The following ROBO2 variants were observed in gnomAD, a reference collection of about 807,000 sequenced individuals.
ROBO2 encodes roundabout guidance receptor 2, also known as roundabout homolog 2.
A neutral mutation model predicts 160.8 loss-of-function variants in ROBO2; 53 were observed. The observed-to-expected ratio is 0.33, with a 90% CI of 0.26 to 0.41. The LOEUF (loss-of-function observed/expected upper bound fraction) is 0.41. Ranked by LOEUF, ROBO2 falls within the 10% of genes least tolerant of loss-of-function variation. The pLI, the probability that ROBO2 is intolerant of heterozygous loss-of-function variation, is 1.00. For missense variants in ROBO2, 1,577 were observed against 1,722.4 expected (o/e 0.92, Z 1.49); for synonymous variants, 664 against 611.7 (o/e 1.09, Z -1.26).
chr3:77,607,503 CAAT>C (rs1322205831), intron 20 of ROBO2, among the ~76,000 whole-genome samples: 2 of 151,998 alleles, frequency 1.3e-5, no homozygotes, highest in Non-Finnish European at 2.9e-5. Flanking sequence ...TTTCCTCTAA[CAAT>C]GAAAACATGA....
At chr3:76,378,327 T>C (rs1422144993) in intron 2 of ROBO2, among the ~76,000 whole-genome samples, 1 of 152,190 alleles carries the variant, frequency 6.6e-6, no homozygotes, top group Non-Finnish European at 1.5e-5. Context: ...GACTTGTTGA[T>C]GTACAAGGTA....
chr3:76,254,241 A>G (rs1331105636), intron 2 of ROBO2, among the ~76,000 whole-genome samples: 1 of 152,116 alleles, frequency 6.6e-6, no homozygotes, highest in South Asian at 2.1e-4. Context: ...AAGTCAGCAT[A>G]TATTTTCTAT....
intron 2 of ROBO2, among the ~76,000 whole-genome samples, chr3:76,123,805 C>T (rs931582511): frequency 2.0e-5 from 3 of 152,116 alleles, no homozygotes; most frequent in African/African-American, 7.2e-5. Flanking sequence ...TTTCTTCCTA[C>T]ACCTTGATCC....
chr3:76,625,187 A>G (rs996594843), intron 2 of ROBO2, among the ~76,000 whole-genome samples: 4 of 152,228 alleles, frequency 2.6e-5, no homozygotes, highest in East Asian at 3.9e-4. Flanking sequence ...TCCCTGTTAT[A>G]TAGCAGAATT....
chr3:76,676,327 G>T (rs529989735), intron 2 of ROBO2, among the ~76,000 whole-genome samples: 1 of 152,152 alleles, frequency 6.6e-6, no homozygotes, highest in South Asian at 2.1e-4. Context: ...CCTTCCTGGC[G>T]CTTTGCACTT....
intron 2 of ROBO2, among the ~76,000 whole-genome samples, chr3:76,869,957 A>G (rs2071851358): frequency 6.6e-6 from 1 of 152,060 alleles, no homozygotes; most frequent in South Asian, 2.1e-4. Flanking sequence ...CACACCTAAG[A>G]CTTCCTCCCA....
chr3:77,262,324 C>T (rs1251408491), intron 2 of ROBO2, among the ~76,000 whole-genome samples: 4 of 152,180 alleles, frequency 2.6e-5, no homozygotes, highest in Non-Finnish European at 4.4e-5. Flanking sequence ...AAAATGACAG[C>T]ATCGTGATAC....
chr3:76,219,013 T>A (rs917798103), intron 2 of ROBO2, among the ~76,000 whole-genome samples: 15 of 152,110 alleles, frequency 9.9e-5, no homozygotes, highest in African/African-American at 3.6e-4. Context: ...ATGCCGCATA[T>A]CTACAACTAT....
intron 2 of ROBO2, among the ~76,000 whole-genome samples, chr3:76,115,274 A>G (rs1204485240): frequency 2.0e-5 from 3 of 152,120 alleles, no homozygotes; most frequent in African/African-American, 7.2e-5. Context: ...ATAGGCACCA[A>G]TTCGAATTAA....
intron 2 of ROBO2, among the ~76,000 whole-genome samples, chr3:76,242,545 T>G (rs760103372): frequency 5.3e-5 from 8 of 152,122 alleles, no homozygotes; most frequent in Non-Finnish European, 7.3e-5. Context: ...GCCCTTCATG[T>G]CCCTTCTCCT....
intron 2 of ROBO2, among the ~76,000 whole-genome samples, chr3:76,597,951 A>G (rs1446255123): frequency 1.3e-5 from 2 of 152,106 alleles, no homozygotes; most frequent in African/African-American, 2.4e-5. Context: ...ATAAAAACTG[A>G]TATTTTTACA....
chr3:76,792,645 C>T (rs565384074), intron 2 of ROBO2, among the ~76,000 whole-genome samples: 42 of 151,516 alleles, frequency 2.8e-4, no homozygotes, highest in African/African-American at 1.0e-3. Flanking sequence ...GTCACATTGC[C>T]TATTTCACTA....
At chr3:77,131,889 T>C (rs1309289227) in intron 2 of ROBO2, among the ~76,000 whole-genome samples, 1 of 152,156 alleles carries the variant, frequency 6.6e-6, no homozygotes, top group Admixed American at 6.5e-5. Flanking sequence ...TTACTACAAC[T>C]TTCTGGTAGA....
intron 2 of ROBO2, among the ~76,000 whole-genome samples, chr3:76,586,482 G>T (rs956400416): frequency 6.6e-5 from 10 of 152,288 alleles, no homozygotes; most frequent in South Asian, 4.1e-4. Context: ...CAATAGAAAT[G>T]TAATGTAAGA....
At chr3:77,256,655 G>A (rs539234668) in intron 2 of ROBO2, among the ~76,000 whole-genome samples, 1 of 152,302 alleles carries the variant, frequency 6.6e-6, no homozygotes, top group East Asian at 1.9e-4. Context: ...TGCTTTATTT[G>A]TGGAGAATAT....
intron 2 of ROBO2, among the ~76,000 whole-genome samples, chr3:77,320,591 C>A (rs974558150): frequency 7.9e-5 from 12 of 151,602 alleles, no homozygotes; most frequent in Admixed American, 2.0e-4. Context: ...TTTAATTAAA[C>A]ATTGTCATTA....
chr3:76,125,805 G>A (rs1273552472), intron 2 of ROBO2, among the ~76,000 whole-genome samples: 1 of 151,974 alleles, frequency 6.6e-6, no homozygotes, highest in Non-Finnish European at 1.5e-5. Context: ...GTGTCTTAGA[G>A]CATCAAAATA....
At chr3:76,889,743 A>T (rs1427584798) in intron 2 of ROBO2, among the ~76,000 whole-genome samples, 1 of 152,226 alleles carries the variant, frequency 6.6e-6, no homozygotes, top group Middle Eastern at 3.2e-3. Flanking sequence ...GCTATTACAT[A>T]GTGATAATTT....
chr3:75,928,847 G>A (rs1281258195), intron 1 of ROBO2, among the ~76,000 whole-genome samples: 1 of 141,330 alleles, frequency 7.1e-6, no homozygotes, highest in Admixed American at 7.3e-5. Flanking sequence ...CATGAGATCT[G>A]CAGCTGGATA....
Sources: gnomAD v4.1 joint callset for allele counts (sites outside exome capture counted in the v4.1 genomes callset) on GRCh38, gnomAD v4.1.1 for gene constraint, MANE v1.5 for transcripts, NCBI Gene and HGNC (gene_info 2026-07-23, HGNC 2026-07-21) for gene names.